WASF3: variants seen among roughly 807,000 people sequenced by gnomAD.
The protein encoded by WASF3 is WASP family member 3.
A neutral mutation model predicts 46.6 loss-of-function variants in WASF3; 11 were observed. That is an observed-to-expected ratio of 0.24 (90% CI 0.15 to 0.39). The LOEUF (loss-of-function observed/expected upper bound fraction) is 0.39, where lower values mean the gene tolerates loss of function less well. Among genes scored for constraint, WASF3 ranks in the 10% least tolerant of loss-of-function variants. The pLI is 1.00. For synonymous variants in WASF3, 242 were observed against 259.7 expected, an observed-to-expected ratio of 0.93 and a Z score of 0.65; for missense variants, 576 against 669.8, an observed-to-expected ratio of 0.86 and a Z score of 1.55.
At chr13:26,552,701 T>C (rs1878998520), upstream of WASF3, among the ~76,000 whole-genome samples, 1 of 152,260 alleles carries the variant, frequency 6.6e-6, no homozygotes. Context: ...CATATTCTAA[T>C]TATATTCTTT....
At chr13:26,669,690 T>G (rs1260995156) in intron 5 of WASF3, among the ~76,000 whole-genome samples, 1 of 152,046 alleles carries the variant, frequency 6.6e-6, no homozygotes, top group African/African-American at 2.4e-5. Context: ...ATTTTTGTAT[T>G]TTTAGTAGAG....
intron 1 of WASF3, among the ~76,000 whole-genome samples, chr13:26,601,183 G>T (rs533417022): frequency 1.3e-5 from 2 of 152,206 alleles, no homozygotes; most frequent in African/African-American, 4.8e-5. Flanking sequence ...CTGTGTATTT[G>T]GTATGTGAAT....
In WASF3 at chr13:26,593,967, G is replaced by A. The variant is rs76711436; in HGVS notation, c.-108-18994G>A. The stretch of plus-strand genomic sequence containing the variant: ...ACATAACACTGAAGGGAACATCTTC[G>A]TGTATAAATCTTTGTCCACATTTGT... On this transcript the variant is annotated intron_variant, in intron 1 of 9. Transcript: ENST00000335327. Among the ~76,000 whole-genome samples, 539 of 152,178 alleles carry A rather than the reference G, an allele frequency of 3.5e-3. 1 individual carries two copies. The highest frequency in any genetic ancestry group is 0.012 in the African/African-American group (511 of 41,518).
At chr13:26,588,586 G>A (rs1880196869) in intron 1 of WASF3, among the ~76,000 whole-genome samples, 1 of 152,154 alleles carries the variant, frequency 6.6e-6, no homozygotes, top group Non-Finnish European at 1.5e-5. Context: ...TTTAGGAAAT[G>A]TGTATATATT....
chr13:26,682,908 C>T lies in WASF3; in HGVS notation c.1285C>T (p.Arg429Trp), dbSNP rs1191996867. The change falls in exon 9 of 10, where the codon CGG (arginine) becomes TGG (tryptophan). Residue 429 changes from arginine to tryptophan, a missense_variant. By Grantham distance (101) the Arg-to-Trp change is moderately radical. Coordinates refer to ENST00000335327, the MANE Select transcript of WASF3 (RefSeq NM_006646.6). This position sits in a 1 kb window ranked among gnomAD's most constrained non-coding sequence, Gnocchi z 4.4. ...TGGCCCCCCAGTAGCTGAGGCGAAGCGGCAAGAGCCTGCACAGCCACCAAT... is the reference window on the plus strand; with the variant it reads ...TGGCCCCCCAGTAGCTGAGGCGAAGTGGCAAGAGCCTGCACAGCCACCAAT... ...MHGPPVAEAK[R>W]QEPAQPPISD... 19 of 1,610,710 alleles carry T rather than the reference C, an allele frequency of 1.2e-5. No individual in the cohort carries two copies. Among genetic ancestry groups the T allele is most frequent in the African/African-American group, 6.7e-5 (5 of 74,876 alleles).
chr13:26,603,493 A>C (rs551050959), intron 1 of WASF3, among the ~76,000 whole-genome samples: 1 of 152,170 alleles, frequency 6.6e-6, no homozygotes, highest in South Asian at 2.1e-4. Flanking sequence ...CAGAGACTCA[A>C]ACCAGTAAAG....
intron 2 of WASF3, among the ~76,000 whole-genome samples, chr13:26,635,015 T>C (rs1344567934): frequency 6.6e-6 from 1 of 152,212 alleles, no homozygotes; most frequent in Non-Finnish European, 1.5e-5. Context: ...CTGTATTTCC[T>C]GAATTTGAAT....
intron 1 of WASF3, among the ~76,000 whole-genome samples, chr13:26,583,010 A>T (rs1216467241): frequency 6.6e-6 from 1 of 152,252 alleles, no homozygotes; most frequent in Admixed American, 6.5e-5. Context: ...ATGGATGCTT[A>T]AAATGGGGGC....
chr13:26,651,056 A>G (rs1247495818), intron 3 of WASF3, among the ~76,000 whole-genome samples: 1 of 152,196 alleles, frequency 6.6e-6, no homozygotes. Context: ...GTATAAAGAA[A>G]ACCACGTCAT....
At chr13:26,642,927 A>T (rs190934803) in intron 3 of WASF3, among the ~76,000 whole-genome samples, 1 of 152,202 alleles carries the variant, frequency 6.6e-6, no homozygotes, top group Non-Finnish European at 1.5e-5. Context: ...TAAAATGCAG[A>T]TACTGATTTC....
chr13:26,646,987 C>T (rs1417913469), intron 3 of WASF3, among the ~76,000 whole-genome samples: 1 of 152,196 alleles, frequency 6.6e-6, no homozygotes, highest in African/African-American at 2.4e-5. Context: ...GGCCCTACAA[C>T]TTTACATAAC....
At position 26,557,689 on chromosome 13, in the gene WASF3, G is replaced by A. The variant is rs143347140; in HGVS notation, c.-239G>A. The A allele has an allele frequency of 9.9e-4, 164 of 165,126 alleles. No homozygotes were observed. In the South Asian group the frequency reaches 0.01, roughly 10 times the overall value. The allele number at this position is 165,126 out of a possible 1,614,324, so 10.2% of individuals were successfully genotyped here. On this transcript the variant is annotated 5_prime_UTR_variant, in exon 1 of 10. Coordinates refer to ENST00000335327, the MANE Select transcript of WASF3 (RefSeq NM_006646.6). The stretch of plus-strand genomic sequence containing the variant: ...AGGGGGCGTGGCCGCGGCCGTGGAC[G>A]GGCCGGAGGCGGCGTCGCTCGCGCC...
the WASF3 span, among the ~76,000 whole-genome samples, chr13:26,548,028 A>G: frequency 2.0e-5 from 3 of 152,220 alleles, no homozygotes; most frequent in East Asian, 5.8e-4. Context: ...AATATCTGCC[A>G]GGGTCAATCA....
intron 1 of WASF3, chr13:26,577,299 G>A: frequency 1.3e-6 from 1 of 747,206 alleles, no homozygotes; most frequent in Admixed American, 1.8e-5. Flanking sequence ...TCTGTTCTGT[G>A]TTGGTTTTCC....
chr13:26,642,674 CT>C (rs1434355752), intron 3 of WASF3, among the ~76,000 whole-genome samples: 1 of 152,038 alleles, frequency 6.6e-6, no homozygotes, highest in African/African-American at 2.4e-5. Flanking sequence ...TTTTTAAAAG[CT>C]TTTGAAAATG....
intron 2 of WASF3, among the ~76,000 whole-genome samples, chr13:26,636,055 A>T (rs1163689841): frequency 6.6e-6 from 1 of 152,246 alleles, no homozygotes; most frequent in Non-Finnish European, 1.5e-5. Context: ...GCTGTTAGAC[A>T]GGGACTTTTA....
rs1393846157 is a variant in WASF3 at position 26,681,296 on chromosome 13, C to T, written c.959C>T (p.Ala320Val). 1 of 1,607,546 alleles carries T rather than the reference C, an allele frequency of 6.2e-7. No homozygotes were observed. Among genetic ancestry groups the T allele is most frequent in the South Asian group, 1.1e-5 (1 of 90,250 alleles). ...GCCCCAGAGGGGTCCCAGGCCTCTG[C>T]ACCGATGGCTCCAGCAGACTACGGG... ...PQAPEGSQAS[A>V]PMAPADYGML... The change falls in exon 8 of 10, where the codon GCA becomes GTA. Residue 320 changes from alanine to valine, a missense_variant. Around this residue, in one of 3 missense-constraint regions of WASF3, gnomAD observed 295 missense variants for 291.5 expected, o/e 1.01. Transcript: ENST00000335327.
At position 26,680,997 on chromosome 13, in the gene WASF3, A is replaced by G; in HGVS notation, c.717-57A>G. 1.9e-6 allele frequency: 3 copies of G among 1,556,430 alleles called. No homozygotes were observed. In the Admixed American group the frequency reaches 5.5e-5, roughly 28 times the overall value. ...ATTCAAATACATCCATGTGCCTGTT[A>G]GCCGACAATTTTTAAATTAATTTAA... On this transcript the variant is annotated intron_variant, in intron 7 of 9. Transcript: ENST00000335327.
At chr13:26,669,206 C>CTTTTT (rs71080286) in intron 5 of WASF3, among the ~76,000 whole-genome samples, 12 of 65,288 alleles carry the variant, frequency 1.8e-4, no homozygotes, top group South Asian at 7.5e-4. Flanking sequence ...ATATCTTTGA[C>CTTTTT]TTTTTTTTTT....
Sources: gnomAD v4.1 joint callset for allele counts (sites outside exome capture counted in the v4.1 genomes callset) on GRCh38, gnomAD v4.1.1 for gene constraint, gnomAD v4.1.1 regional missense constraint, Gnocchi (gnomAD v3.1) non-coding constraint, MANE v1.5 for transcripts, NCBI Gene and HGNC (gene_info 2026-07-23, HGNC 2026-07-21) for gene names.